The following LDLRAD4 variants were observed in gnomAD, a reference collection of about 807,000 sequenced individuals.
LDLRAD4 encodes the protein low-density lipoprotein receptor class A domain-containing protein 4.
In LDLRAD4, 5 loss-of-function variants were observed where a neutral mutation model predicts 17.0. The ratio of observed to expected loss-of-function variants is 0.29; its 90% CI spans 0.15 to 0.62. The LOEUF (loss-of-function observed/expected upper bound fraction) is 0.62, where lower values mean the gene tolerates loss of function less well. Among genes scored for constraint, LDLRAD4 ranks in the 20% least tolerant of loss-of-function variants. The pLI is 0.84. For missense variants in LDLRAD4, 340 were observed against 424.7 expected, an observed-to-expected ratio of 0.80 and a Z score of 1.75; for synonymous variants, 168 against 171.8, an observed-to-expected ratio of 0.98 and a Z score of 0.17.
chr18:13,518,976 T>G (rs1467629983), intron 3 of LDLRAD4, among the ~76,000 whole-genome samples: 3 of 152,230 alleles, frequency 2.0e-5, no homozygotes, highest in African/African-American at 7.2e-5. Flanking sequence ...GACTCAGCTT[T>G]CTTCAGCAGC....
At chr18:13,414,371 A>G (rs1000722760) in intron 2 of LDLRAD4, among the ~76,000 whole-genome samples, 1 of 152,244 alleles carries the variant, frequency 6.6e-6, no homozygotes, top group African/African-American at 2.4e-5. Flanking sequence ...CAGTGAATGT[A>G]CAGTTCAGTA....
At chr18:13,592,471 A>G (rs1156762472) in intron 3 of LDLRAD4, among the ~76,000 whole-genome samples, 1 of 152,226 alleles carries the variant, frequency 6.6e-6, no homozygotes, top group Non-Finnish European at 1.5e-5. Flanking sequence ...AAGGCCAGAA[A>G]AAGGAGGTAG....
At chr18:13,636,337 A>T (rs1048081287) in intron 4 of LDLRAD4, among the ~76,000 whole-genome samples, 9 of 152,094 alleles carry the variant, frequency 5.9e-5, no homozygotes, top group Admixed American at 5.2e-4. Flanking sequence ...GGTTGAAAAA[A>T]ATCTGCGTTT....
intron 3 of LDLRAD4, among the ~76,000 whole-genome samples, chr18:13,497,270 G>A (rs2093489271): frequency 6.6e-6 from 1 of 152,124 alleles, no homozygotes; most frequent in Non-Finnish European, 1.5e-5. Flanking sequence ...TTGACTTCCT[G>A]GGCTCAAGCA....
chr18:13,492,854 G>T (rs2093387058), intron 3 of LDLRAD4, among the ~76,000 whole-genome samples: 1 of 152,192 alleles, frequency 6.6e-6, no homozygotes. Flanking sequence ...AACGGGCTGG[G>T]TGCAGTGGCT....
chr18:13,415,507 A>G (rs1444597814), intron 2 of LDLRAD4, among the ~76,000 whole-genome samples: 2 of 152,152 alleles, frequency 1.3e-5, no homozygotes, highest in Non-Finnish European at 2.9e-5. Context: ...TTTCCCACCA[A>G]AGGAAGTCTG....
chr18:13,449,490 G>T (rs2091649253), intron 3 of LDLRAD4, among the ~76,000 whole-genome samples: 1 of 152,238 alleles, frequency 6.6e-6, no homozygotes. Context: ...GAGACTGGTG[G>T]CTCAGTGGGG....
chr18:13,273,577 C>A (rs2044686445), upstream of LDLRAD4, among the ~76,000 whole-genome samples: 1 of 152,188 alleles, frequency 6.6e-6, no homozygotes, highest in Non-Finnish European at 1.5e-5. Flanking sequence ...CAGGTGTGAG[C>A]TGCCGGACCC....
intron 5 of LDLRAD4, 131 bp from the exon 7 acceptor site, chr18:13,644,993 CTTT>C: frequency 6.7e-6 from 4 of 600,348 alleles, no homozygotes; most frequent in East Asian, 3.2e-5. Context: ...TTCCTGTTTT[CTTT>C]TTTTTTTTCC....
chr18:13,371,891 A>G (rs1213102663), intron 1 of LDLRAD4, among the ~76,000 whole-genome samples: 1 of 152,220 alleles, frequency 6.6e-6, no homozygotes, highest in Non-Finnish European at 1.5e-5. Flanking sequence ...AAGTTTCATT[A>G]TAGGATTCCT....
intron 3 of LDLRAD4, among the ~76,000 whole-genome samples, chr18:13,442,286 A>C (rs1200738990): frequency 6.6e-6 from 1 of 152,180 alleles, no homozygotes; most frequent in Non-Finnish European, 1.5e-5. Context: ...AAAGATAACT[A>C]AAAATGGGCC....
chr18:13,582,623 C>T (rs1413020314), intron 3 of LDLRAD4, among the ~76,000 whole-genome samples: 1 of 152,238 alleles, frequency 6.6e-6, no homozygotes, highest in Non-Finnish European at 1.5e-5. Flanking sequence ...GGCAGGAGGC[C>T]CACACCCTCC....
At chr18:13,476,870 G>C (rs541864241) in intron 3 of LDLRAD4, among the ~76,000 whole-genome samples, 65 of 152,246 alleles carry the variant, frequency 4.3e-4, no homozygotes, top group Admixed American at 1.0e-3. Context: ...ATTTGCTTCA[G>C]CTTATATTTT....
chr18:13,246,691 A>G (rs2042972883), intron 1 of LDLRAD4, among the ~76,000 whole-genome samples: 1 of 152,166 alleles, frequency 6.6e-6, no homozygotes, highest in African/African-American at 2.4e-5. Context: ...GTCTTGGAAA[A>G]TTGGCCTCCA....
At chr18:13,506,044 G>A (rs1027670705) in intron 3 of LDLRAD4, among the ~76,000 whole-genome samples, 2 of 151,918 alleles carry the variant, frequency 1.3e-5, no homozygotes, top group Non-Finnish European at 2.9e-5. Flanking sequence ...TGCTCTCAGC[G>A]TTGTAAAGTA....
At chr18:13,625,993 C>T (rs996613688) in intron 4 of LDLRAD4, among the ~76,000 whole-genome samples, 32 of 151,794 alleles carry the variant, frequency 2.1e-4, no homozygotes, top group African/African-American at 7.3e-4. Flanking sequence ...TGTCGCCATG[C>T]GGTAGACACT....
At chr18:13,341,052 C>T (rs2082347001) in intron 1 of LDLRAD4, among the ~76,000 whole-genome samples, 1 of 152,126 alleles carries the variant, frequency 6.6e-6, no homozygotes. Flanking sequence ...AGTTGCATTT[C>T]TGGCATCTCT....
chr18:13,300,268 C>G lies in LDLRAD4; in HGVS notation c.-383+22080C>G, dbSNP rs1567982249. ...CCAGGCCCGCAGAGGGGGCCGGCAG[C>G]CTCTTCCCACTCTCCTGCCCACCCC... On this transcript the variant is annotated intron_variant, in intron 1 of 5. Coordinates refer to ENST00000359446, the Ensembl canonical transcript of LDLRAD4. This position sits in a 1 kb window ranked among gnomAD's most constrained non-coding sequence, Gnocchi z 4.2. 6.6e-6 allele frequency among the ~76,000 whole-genome samples: 1 copy of G among 152,200 alleles called. No homozygotes were observed. The highest frequency in any genetic ancestry group is 1.5e-5 in the Non-Finnish European group (1 of 68,020).
chr18:13,491,712 C>T (rs2093361830), intron 3 of LDLRAD4: 1 of 152,036 alleles, frequency 6.6e-6, no homozygotes, highest in African/African-American at 2.4e-5. Flanking sequence ...TCAAGTGGCC[C>T]GGCAGGGACT....
Sources: allele counts gnomAD v4.1 joint callset (sites outside exome capture counted in the v4.1 genomes callset), GRCh38; gene constraint gnomAD v4.1.1; non-coding constraint Gnocchi (gnomAD v3.1); transcripts MANE v1.5; gene names NCBI Gene and HGNC (gene_info 2026-07-23, HGNC 2026-07-21).